DHRSX: variants seen among roughly 807,000 people sequenced by gnomAD.
DHRSX encodes dehydrogenase/reductase X-linked, also known as polyprenol dehydrogenase.
A neutral mutation model predicts 34.0 loss-of-function variants in DHRSX; 31 were observed. The ratio of observed to expected loss-of-function variants is 0.91; its 90% CI spans 0.69 to 1.23. The LOEUF is 1.23. DHRSX is among the 50% of genes most tolerant of loss of function. The pLI, the probability that DHRSX is intolerant of heterozygous loss-of-function variation, is 0.00. For synonymous variants in DHRSX, 201 were observed against 183.8 expected, an observed-to-expected ratio of 1.09 and a Z score of -0.76; for missense variants, 414 against 428.1, an observed-to-expected ratio of 0.97 and a Z score of 0.29.
intron 3 of DHRSX, among the ~76,000 whole-genome samples, chrX:2,311,106 TGAGAGACAGAGAGAATAAGC>T (rs1182714660): frequency 7.2e-6 from 1 of 139,566 alleles, no homozygotes; most frequent in Non-Finnish European, 1.5e-5. Flanking sequence ...ACACAGAAAC[TGAGAGACAGAGAGAATAAGC>T]GAGAGACAGA....
chrX:2,317,636 AAAG>A (rs199837590), intron 3 of DHRSX, among the ~76,000 whole-genome samples: 9,175 of 152,060 alleles, frequency 0.06, 434 homozygotes, highest in Non-Finnish European at 0.098. Context: ...AAGAAAAAAA[AAAG>A]AAGGAGAGTA....
At chrX:2,461,579 G>T (rs901704641) in intron 1 of DHRSX, among the ~76,000 whole-genome samples, 10 of 152,072 alleles carry the variant, frequency 6.6e-5, no homozygotes, top group African/African-American at 2.2e-4. Flanking sequence ...TCTCACTCTG[G>T]TGCCCAGGCT....
intron 2 of DHRSX, among the ~76,000 whole-genome samples, chrX:2,424,767 G>C (rs1265384536): frequency 6.6e-6 from 1 of 152,134 alleles, no homozygotes; most frequent in East Asian, 1.9e-4. Flanking sequence ...TTCTGGATCT[G>C]ACTGAATTTT....
intron 3 of DHRSX, among the ~76,000 whole-genome samples, chrX:2,366,462 G>C (rs1475284301): frequency 1.3e-5 from 2 of 151,538 alleles, no homozygotes; most frequent in Non-Finnish European, 2.9e-5. Flanking sequence ...GAAAAGAAAA[G>C]AAAAAGAAAA....
At chrX:2,302,814 AAC>A (rs920791077) in intron 3 of DHRSX, among the ~76,000 whole-genome samples, 2 of 152,196 alleles carry the variant, frequency 1.3e-5, no homozygotes, top group African/African-American at 4.8e-5. Flanking sequence ...ACTTAAAAAA[AAC>A]ACACTGAGAG....
intron 6 of DHRSX, 82 bp from the exon 7 acceptor site, chrX:2,221,311 C>A: frequency 7.1e-7 from 1 of 1,406,138 alleles, no homozygotes; most frequent in South Asian, 1.3e-5. Flanking sequence ...ATGGATGCTG[C>A]AGGGACAGGT....
chrX:2,320,125 G>A (rs1036880603), intron 3 of DHRSX, among the ~76,000 whole-genome samples: 5 of 151,512 alleles, frequency 3.3e-5, no homozygotes, highest in Admixed American at 6.6e-5. Flanking sequence ...CACTGTGCCC[G>A]GCCGGGTCAA....
chrX:2,226,066 C>A (rs1332784616), intron 6 of DHRSX, among the ~76,000 whole-genome samples: 2 of 152,112 alleles, frequency 1.3e-5, no homozygotes, highest in African/African-American at 2.4e-5. Context: ...TTCCAGCCTC[C>A]AGGACGGTGG....
chrX:2,265,642 A>G (rs1354525833), intron 5 of DHRSX, among the ~76,000 whole-genome samples: 240 of 116,946 alleles, frequency 2.1e-3, no homozygotes, highest in Non-Finnish European at 3.0e-3. Flanking sequence ...ACCAGTGTAC[A>G]GCAGACGCAG....
chrX:2,371,173 TC>T (rs1207569235), intron 3 of DHRSX, among the ~76,000 whole-genome samples: 6 of 150,880 alleles, frequency 4.0e-5, no homozygotes, highest in Non-Finnish European at 8.9e-5. Flanking sequence ...AGTCCCTCCT[TC>T]CGTTACCATA....
At chrX:2,476,241 A>C (rs28646168) in intron 1 of DHRSX, among the ~76,000 whole-genome samples, 16,354 of 83,242 alleles carry the variant, frequency 0.2, 1,068 homozygotes, top group South Asian at 0.35. Flanking sequence ...CACACACACA[A>C]AAAAAAATTA....
At chrX:2,498,538 G>C (rs1403122756) in intron 1 of DHRSX, among the ~76,000 whole-genome samples, 1 of 151,624 alleles carries the variant, frequency 6.6e-6, no homozygotes, top group Non-Finnish European at 1.5e-5. Flanking sequence ...ATACACACCC[G>C]GGTACAGATT....
At chrX:2,360,490 G>C (rs933635720) in intron 3 of DHRSX, among the ~76,000 whole-genome samples, 7 of 152,110 alleles carry the variant, frequency 4.6e-5, no homozygotes, top group Non-Finnish European at 1.0e-4. Context: ...GGCTGAGGCA[G>C]GAGAATCGCT....
rs775277093 is a variant in DHRSX at position 2,457,137 on chromosome X, C to T, written c.110-31833G>A. ...GCTTACAGGGAGCAAATGACACAGA[C>T]ACTCAGAAGAAAGTGGCCAAGGGAT... On this transcript the variant is annotated intron_variant, in intron 1 of 6. Transcript: ENST00000334651. Among the ~76,000 whole-genome samples, 11 of 152,248 alleles carry T rather than the reference C, an allele frequency of 7.2e-5. No homozygotes were observed. In the South Asian group the frequency reaches 2.3e-3, roughly 32 times the overall value.
intron 4 of DHRSX, among the ~76,000 whole-genome samples, chrX:2,275,273 G>A (rs1477257697): frequency 5.3e-5 from 8 of 151,030 alleles, no homozygotes; most frequent in Admixed American, 1.3e-4. Context: ...CGAGGCAGGC[G>A]GATGACCTGA....
At chrX:2,269,285 G>C (rs1482676602) in intron 4 of DHRSX, among the ~76,000 whole-genome samples, 4 of 152,220 alleles carry the variant, frequency 2.6e-5, no homozygotes, top group Admixed American at 1.3e-4. Context: ...CAAATATATA[G>C]AGGTCTAGCA....
chrX:2,241,441 G>C (rs1218301278), intron 6 of DHRSX, among the ~76,000 whole-genome samples: 3 of 152,124 alleles, frequency 2.0e-5, no homozygotes, highest in Admixed American at 6.6e-5. Context: ...GAAGTTTCCT[G>C]AAGTCTGGAC....
chrX:2,256,721 A>G lies in DHRSX; in HGVS notation c.596+10019T>C, dbSNP rs373263011. Among the ~76,000 whole-genome samples the G allele has an allele frequency of 5.9e-5, 9 of 152,292 alleles. 1 individual carries two copies. Among genetic ancestry groups the G allele is most frequent in the African/African-American group, 1.9e-4 (8 of 41,560 alleles). ...GCTAATTTTCCAAGCCAGTAAATCA[A>G]TCTTGGCAATTAACACTAATTACTG... On this transcript the variant is annotated intron_variant, in intron 5 of 6. Transcript: ENST00000334651.
chrX:2,407,862 C>G (rs989294777), intron 3 of DHRSX, among the ~76,000 whole-genome samples: 2 of 152,126 alleles, frequency 1.3e-5, no homozygotes, highest in African/African-American at 4.8e-5. Context: ...ATACTAAAAG[C>G]CCAGACCTCA....
Sources: gnomAD v4.1 joint callset for allele counts (sites outside exome capture counted in the v4.1 genomes callset) on GRCh38, gnomAD v4.1.1 for gene constraint, MANE v1.5 for transcripts, NCBI Gene and HGNC (gene_info 2026-07-23, HGNC 2026-07-21) for gene names.